DMD: variants seen among roughly 807,000 people sequenced by gnomAD.
DMD encodes the protein mutant dystrophin.
DMD carries 63 observed loss-of-function variants against 330.1 expected under a neutral mutation model. The observed-to-expected ratio is 0.19, with a 90% CI of 0.16 to 0.24. The LOEUF is 0.24. Among genes scored for constraint, DMD ranks in the 10% least tolerant of loss-of-function variants. The pLI is 1.00. For missense variants in DMD, 3,344 were observed against 2,684.1 expected (o/e 1.25, Z -5.43); for synonymous variants, 1,223 against 959.8 (o/e 1.27, Z -5.07).
At chrX:32,620,686 T>A (rs776715304) in intron 11 of DMD, among the ~76,000 whole-genome samples, 5 of 112,300 alleles carry the variant, frequency 4.5e-5, no homozygotes, top group Admixed American at 3.8e-4. Context: ...AAATCTTTAC[T>A]GAGTTTCATA....
chrX:33,048,706 A>G (rs1457166133), intron 1 of DMD, among the ~76,000 whole-genome samples: 3 of 105,977 alleles, frequency 2.8e-5, no homozygotes, highest in Non-Finnish European at 5.8e-5. Flanking sequence ...AAAAAAAAAA[A>G]AAAAAAAAAA....
intron 55 of DMD, among the ~76,000 whole-genome samples, chrX:31,520,447 C>T (rs1423505412): frequency 1.8e-5 from 2 of 111,540 alleles, no homozygotes; most frequent in Non-Finnish European, 3.8e-5. Flanking sequence ...CCTGAGGCCT[C>T]CCCAGCCACA....
At chrX:33,014,042 C>A (rs746415738) in intron 2 of DMD, among the ~76,000 whole-genome samples, 71 of 111,956 alleles carry the variant, frequency 6.3e-4, no homozygotes, top group African/African-American at 2.3e-3. Flanking sequence ...AATCTAGATT[C>A]ATGTTAAGGA....
At chrX:31,140,545 T>C (rs1417403684) in intron 76 of DMD, among the ~76,000 whole-genome samples, 1 of 112,074 alleles carries the variant, frequency 8.9e-6, no homozygotes, top group East Asian at 2.8e-4. Context: ...TTAATTTTTT[T>C]CCATATGATA....
At chrX:31,387,592 G>A (rs1345057203) in intron 60 of DMD, among the ~76,000 whole-genome samples, 1 of 111,313 alleles carries the variant, frequency 9.0e-6, no homozygotes, top group Non-Finnish European at 1.9e-5. Context: ...TAGAGACGCG[G>A]TTTTGCCATG....
chrX:32,177,287 T>C (rs2096909718), intron 44 of DMD, among the ~76,000 whole-genome samples: 1 of 112,034 alleles, frequency 8.9e-6, no homozygotes, highest in African/African-American at 3.2e-5. Context: ...GACTCTTTCC[T>C]GACAACCACG....
At chrX:32,689,272 A>G in intron 9 of DMD, among the ~76,000 whole-genome samples, 1 of 110,900 alleles carries the variant, frequency 9.0e-6, no homozygotes, top group Middle Eastern at 4.8e-3. Context: ...ATCTTCATAA[A>G]GAGACCACTA....
At chrX:33,153,536 C>T (rs190738308) in intron 1 of DMD, among the ~76,000 whole-genome samples, 34 of 111,988 alleles carry the variant, frequency 3.0e-4, no homozygotes, top group African/African-American at 6.8e-4. Context: ...ATACTGTAGA[C>T]GTAAAAAATT....
chrX:32,276,034 A>C (rs2097385303), intron 43 of DMD, among the ~76,000 whole-genome samples: 1 of 112,217 alleles, frequency 8.9e-6, no homozygotes, highest in Non-Finnish European at 1.9e-5. Context: ...CTGGACGTGC[A>C]GTGCAGAGAG....
intron 63 of DMD, among the ~76,000 whole-genome samples, chrX:31,244,673 T>A (rs2048663606): frequency 8.9e-6 from 1 of 112,060 alleles, no homozygotes; most frequent in Non-Finnish European, 1.9e-5. Context: ...TACAGTAGGA[T>A]ACAACACTTT....
chrX:32,963,140 T>G (rs956867311), intron 2 of DMD, among the ~76,000 whole-genome samples: 6 of 111,696 alleles, frequency 5.4e-5, no homozygotes, highest in African/African-American at 6.5e-5. Flanking sequence ...ATACAGAAAT[T>G]TATGCATACA....
At chrX:31,251,460 T>C (rs180714558) in intron 63 of DMD, among the ~76,000 whole-genome samples, 5 of 112,328 alleles carry the variant, frequency 4.5e-5, no homozygotes, top group Non-Finnish European at 9.4e-5. Context: ...GTAATGACTT[T>C]CCTGGAGTTA....
At chrX:33,200,266 C>T (rs2051189288) in intron 1 of DMD, among the ~76,000 whole-genome samples, 1 of 110,356 alleles carries the variant, frequency 9.1e-6, no homozygotes, top group East Asian at 2.9e-4. Context: ...TTTTCCCAAC[C>T]GTGTTGTAGT....
At chrX:32,866,154 A>G (rs1388174419) in intron 2 of DMD, among the ~76,000 whole-genome samples, 1 of 112,088 alleles carries the variant, frequency 8.9e-6, no homozygotes, top group Non-Finnish European at 1.9e-5. Flanking sequence ...AAGTTGCCCT[A>G]GTTGTCCCAG....
At chrX:32,555,114 T>C (rs2050154770) in intron 16 of DMD, among the ~76,000 whole-genome samples, 1 of 110,515 alleles carries the variant, frequency 9.0e-6, no homozygotes, top group Non-Finnish European at 1.9e-5. Context: ...CAATCAAGTT[T>C]GCTTCATCCC....
At chrX:33,017,187 T>C (rs1354979550) in intron 2 of DMD, among the ~76,000 whole-genome samples, 4 of 111,742 alleles carry the variant, frequency 3.6e-5, no homozygotes, top group African/African-American at 1.3e-4. Context: ...CAAAGACACA[T>C]TTGGCTTCAA....
At chrX:32,055,723 C>A (rs1391558607) in intron 44 of DMD, among the ~76,000 whole-genome samples, 1 of 111,525 alleles carries the variant, frequency 9.0e-6, no homozygotes, top group Non-Finnish European at 1.9e-5. Flanking sequence ...AGGAGAACTT[C>A]CCAATCAATT....
chrX:32,969,526 C>T lies in DMD; in HGVS notation c.93+50613G>A, dbSNP rs2092310905. ...GTCTACCTTCTTCCTATCTATAAAG[C>T]TATAAAATGAGTGGTATGAGACTAA... On this transcript the variant is annotated intron_variant, in intron 2 of 78. Transcript: ENST00000357033. 2.1e-5 allele frequency among the ~76,000 whole-genome samples: 2 copies of T among 93,420 alleles called. 1 individual carries two copies. Among genetic ancestry groups the T allele is most frequent in the African/African-American group, 9.7e-5 (2 of 20,566 alleles). 81.1% of individuals were successfully genotyped at this position (93,420 alleles called of 115,157 possible).
At chrX:31,655,111 G>T (rs1039229060) in intron 54 of DMD, among the ~76,000 whole-genome samples, 3 of 111,298 alleles carry the variant, frequency 2.7e-5, no homozygotes, top group African/African-American at 9.8e-5. Flanking sequence ...TATGCCTAAG[G>T]TTGCAATTTT....
Sources: gnomAD v4.1 joint callset for allele counts (sites outside exome capture counted in the v4.1 genomes callset) on GRCh38, gnomAD v4.1.1 for gene constraint, MANE v1.5 for transcripts, NCBI Gene and HGNC (gene_info 2026-07-23, HGNC 2026-07-21) for gene names.